Variants in PECAM1 observed in about 807,000 individuals in gnomAD.
The protein encoded by PECAM1 is platelet and endothelial cell adhesion molecule 1, also known as platelet endothelial cell adhesion molecule.
A neutral mutation model predicts 13.8 loss-of-function variants in PECAM1; 8 were observed. That is an observed-to-expected ratio of 0.58 (90% CI 0.34 to 1.05). The LOEUF is 1.05. PECAM1 is among the 50% of genes least tolerant of loss of function. The pLI is 0.03. For synonymous variants in PECAM1, 136 were observed against 52.6 expected (o/e 2.58, Z -6.86); for missense variants, 304 against 141.2 (o/e 2.15, Z -5.84).
chr17:64,366,246 G>A (rs2036101940), intron 5 of PECAM1, among the ~76,000 whole-genome samples: 1 of 151,694 alleles, frequency 6.6e-6, no homozygotes, highest in African/African-American at 2.4e-5. Flanking sequence ...CTGGCCATCA[G>A]AGAAATGCAA....
chr17:64,350,331 T>G (rs2035689659), intron 12 of PECAM1, 49 bp downstream of exon 12: 1 of 410,710 alleles, frequency 2.4e-6, no homozygotes. Flanking sequence ...TGAGTCTTTT[T>G]TTTAATGTAA....
At chr17:64,330,635 C>CAAA (rs200563172) in intron 14 of PECAM1, among the ~76,000 whole-genome samples, 50 of 107,780 alleles carry the variant, frequency 4.6e-4, no homozygotes, top group African/African-American at 1.8e-3. Flanking sequence ...GACTCCATCT[C>CAAA]AAAAAAAAAA....
chr17:64,369,346 G>C (rs1049100469), intron 5 of PECAM1, among the ~76,000 whole-genome samples: 6 of 152,170 alleles, frequency 3.9e-5, no homozygotes, highest in Non-Finnish European at 7.3e-5. Flanking sequence ...AAATATAACA[G>C]AGTAATGAAA....
intron 8 of PECAM1, among the ~76,000 whole-genome samples, chr17:64,355,356 T>G (rs2143791347): frequency 6.6e-6 from 1 of 152,342 alleles, no homozygotes; most frequent in African/African-American, 2.4e-5. Context: ...TAGAGGCTGA[T>G]GACAGCTCAC....
At chr17:64,356,921 C>T (rs1270192665) in intron 7 of PECAM1, among the ~76,000 whole-genome samples, 1 of 152,160 alleles carries the variant, frequency 6.6e-6, no homozygotes, top group Non-Finnish European at 1.5e-5. Context: ...TTTGTAGTCA[C>T]AATCTTGTGA....
chr17:64,373,526 C>G (rs2036288075), intron 4 of PECAM1, among the ~76,000 whole-genome samples: 1 of 149,026 alleles, frequency 6.7e-6, no homozygotes, highest in South Asian at 2.1e-4. Context: ...GATGTTTTTT[C>G]TGTGTGTGTG....
chr17:64,367,358 C>T (rs118196627), intron 5 of PECAM1, among the ~76,000 whole-genome samples: 11 of 151,810 alleles, frequency 7.2e-5, no homozygotes, highest in African/African-American at 2.4e-4. Context: ...AAGACAAGCC[C>T]GGCCAACATG....
intron 15 of PECAM1, among the ~76,000 whole-genome samples, chr17:64,326,525 G>A (rs917687036): frequency 5.3e-5 from 8 of 152,200 alleles, no homozygotes; most frequent in South Asian, 4.1e-4. Flanking sequence ...TGCCAGCGCC[G>A]GCAGCCACCC....
intron 12 of PECAM1, among the ~76,000 whole-genome samples, chr17:64,348,700 A>T (rs1422835205): frequency 6.6e-6 from 1 of 152,120 alleles, no homozygotes; most frequent in African/African-American, 2.4e-5. Context: ...AGCCTCCCAA[A>T]GTGCTGGGAT....
At chr17:64,382,662 G>A (rs1420844968) in intron 2 of PECAM1, among the ~76,000 whole-genome samples, 1 of 151,702 alleles carries the variant, frequency 6.6e-6, no homozygotes, top group East Asian at 1.9e-4. Flanking sequence ...TTACAGGCAT[G>A]AGCTGAAAAT....
intron 13 of PECAM1, among the ~76,000 whole-genome samples, chr17:64,347,695 T>A (rs1311262918): frequency 2.1e-5 from 3 of 144,782 alleles, no homozygotes; most frequent in Non-Finnish European, 3.0e-5. Context: ...ATATATGTAT[T>A]TATATTTATA....
chr17:64,381,938 T>C (rs2036490277), intron 2 of PECAM1, among the ~76,000 whole-genome samples: 1 of 151,874 alleles, frequency 6.6e-6, no homozygotes, highest in South Asian at 2.1e-4. Context: ...TCATCTCTAC[T>C]AAAAATACAA....
chr17:64,371,979 T>C (rs1296698124), intron 4 of PECAM1, among the ~76,000 whole-genome samples: 1 of 152,104 alleles, frequency 6.6e-6, no homozygotes, highest in African/African-American at 2.4e-5. Context: ...TATGAATAGG[T>C]GGTTTACGGG....
chr17:64,364,283 G>A (rs935894166), intron 5 of PECAM1, among the ~76,000 whole-genome samples: 7 of 152,206 alleles, frequency 4.6e-5, no homozygotes, highest in East Asian at 1.9e-4. Context: ...GGAAGAAGTT[G>A]AATCTCTGAA....
At chr17:64,363,817 G>A (rs1231794762) in intron 5 of PECAM1, among the ~76,000 whole-genome samples, 3 of 151,830 alleles carry the variant, frequency 2.0e-5, no homozygotes, top group East Asian at 1.9e-4. Flanking sequence ...GGTGGTGGGC[G>A]CCTGTAATCC....
At chr17:64,345,806 T>G (rs1476077508) in intron 13 of PECAM1, among the ~76,000 whole-genome samples, 2 of 151,318 alleles carry the variant, frequency 1.3e-5, no homozygotes, top group East Asian at 3.9e-4. Context: ...AAGTGAGTTG[T>G]GCAGATTGGG....
intron 2 of PECAM1, among the ~76,000 whole-genome samples, chr17:64,382,237 ATT>A (rs1304989966): frequency 3.3e-5 from 5 of 152,046 alleles, no homozygotes; most frequent in Non-Finnish European, 5.9e-5. Context: ...TTCCTCCTTC[ATT>A]TTAAGCTATG....
At chr17:64,325,013 G>T (rs143189486) in intron 15 of PECAM1, among the ~76,000 whole-genome samples, 66 of 152,358 alleles carry the variant, frequency 4.3e-4, no homozygotes, top group African/African-American at 1.5e-3. Context: ...GATGGATAGT[G>T]GTGGTGGTTG....
chr17:64,356,257 A>G lies in PECAM1; in HGVS notation c.1634T>C (p.Phe545Ser). Residue 545 changes from phenylalanine to serine, a missense_variant, in exon 8 of 16, where the codon TTC becomes TCC. Phe to Ser is a radical substitution (Grantham distance 155). Coordinates refer to ENST00000563924, the MANE Select transcript of PECAM1 (RefSeq NM_000442.5). ...GGTGGCATTTGAGGTCATTTGATAG[A>G]AGGGTTTGCCCTCTTTTTCTCTGTA... ...KFYREKEGKP[F>S]YQMTSNATQA... The G allele has an allele frequency of 2.1e-6, 1 of 474,664 alleles. No homozygotes were observed. 29.4% of individuals were successfully genotyped at this position (474,664 alleles called of 1,614,324 possible).
Sources: gnomAD v4.1 joint callset for allele counts (sites outside exome capture counted in the v4.1 genomes callset) on GRCh38, gnomAD v4.1.1 for gene constraint, MANE v1.5 for transcripts, NCBI Gene and HGNC (gene_info 2026-07-23, HGNC 2026-07-21) for gene names.